GATA6: variants seen among roughly 807,000 people sequenced by gnomAD.
GATA6 encodes the protein transcription factor GATA-6.
GATA6 carries 11 observed loss-of-function variants against 48.1 expected under a neutral mutation model. The observed-to-expected ratio is 0.23, with a 90% CI of 0.14 to 0.38. The LOEUF (loss-of-function observed/expected upper bound fraction) is 0.38. Ranked by LOEUF, GATA6 falls within the 10% of genes least tolerant of loss-of-function variation. The pLI is 1.00. For synonymous variants in GATA6, 419 were observed against 396.1 expected (o/e 1.06, Z -0.69); for missense variants, 795 against 850.3 (o/e 0.93, Z 0.81).
intron 6 of GATA6, among the ~76,000 whole-genome samples, chr18:22,191,723 A>G (rs1327316187): frequency 6.6e-6 from 1 of 152,190 alleles, no homozygotes; most frequent in Non-Finnish European, 1.5e-5. Context: ...CCACTCAGCT[A>G]CCCATCACAT....
rs1212811516 is a variant in GATA6, at chr18:22,189,990, GTGT to G, written c.1620+6953_1620+6955del. 3.3e-5 allele frequency among the ~76,000 whole-genome samples: 5 copies of G among 152,354 alleles called. 1 individual carries two copies. Among genetic ancestry groups the G allele is most frequent in the South Asian group, 4.1e-4 (2 of 4,828 alleles). ...GCCGCAGGTCTGGCTGATGCGGTCA[GTGT>G]TGTTGCCACTACAGCGTGTTAGATT... is the stretch of plus-strand genomic sequence containing the variant. On this transcript the variant is annotated intron_variant, in intron 6 of 6. Coordinates refer to ENST00000269216, the MANE Select transcript of GATA6 (RefSeq NM_005257.6).
intron 6 of GATA6, among the ~76,000 whole-genome samples, chr18:22,187,151 TA>T (rs1338171974): frequency 1.3e-5 from 2 of 152,242 alleles, no homozygotes; most frequent in African/African-American, 4.8e-5. Context: ...GCAGATTTAC[TA>T]AAAAATGTAT....
chr18:22,185,292 C>T lies in GATA6; in HGVS notation c.1620+2249C>T, dbSNP rs1412027014. Among the ~76,000 whole-genome samples, 1 of 152,200 alleles carries T rather than the reference C, an allele frequency of 6.6e-6. No individual in the cohort carries two copies. The highest frequency in any genetic ancestry group is 2.4e-5 in the African/African-American group (1 of 41,462). On this transcript the variant is annotated intron_variant, in intron 6 of 6. Transcript: ENST00000269216. This position sits in a 1 kb window ranked among gnomAD's most constrained non-coding sequence, Gnocchi z 4.3. ...TTCAGAGGAAAGATCAGTTCCCCAC[C>T]AGAGGCCAGGAGGCAAAGCAACAAG...
chr18:22,196,734 C>T (rs2033393892), intron 6 of GATA6, among the ~76,000 whole-genome samples: 1 of 150,920 alleles, frequency 6.6e-6, no homozygotes. Flanking sequence ...AGAGCAAGAC[C>T]CTGTCTCAAA....
Position 22,201,192 on chromosome 18 carries a change from TC to T in GATA6, c.*371del. The T allele has an allele frequency of 3.9e-6, 1 of 258,284 alleles. No individual in the cohort carries two copies. The highest frequency in any genetic ancestry group is 7.6e-6 in the Non-Finnish European group (1 of 132,190). The allele number at this position is 258,284 out of a possible 1,614,324, so 16.0% of individuals were successfully genotyped here. On this transcript the variant is annotated 3_prime_UTR_variant, in exon 7 of 7. Coordinates refer to ENST00000269216, the MANE Select transcript of GATA6 (RefSeq NM_005257.6). Reference sequence around the variant, plus strand: ...GCTTCTTCTGATCAATTTTGGTTGTTCCAGAATTTCTTCATACCTTTTCCAC... The same window carrying T: ...GCTTCTTCTGATCAATTTTGGTTGTTCAGAATTTCTTCATACCTTTTCCAC...
chr18:22,201,019 T>C lies in GATA6; in HGVS notation c.*196T>C. On this transcript the variant is annotated 3_prime_UTR_variant, in exon 7 of 7. Coordinates refer to ENST00000269216, the MANE Select transcript of GATA6 (RefSeq NM_005257.6). ...GATGGAAGGGAAGGGCCAGTGCAAC[T>C]GGGCGCTTGGGCCACTCCAGCCAGC... is the stretch of plus-strand genomic sequence containing the variant. 1.4e-6 allele frequency: 1 copy of C among 712,238 alleles called. No homozygotes were observed. The highest frequency in any genetic ancestry group is 2.3e-6 in the Non-Finnish European group (1 of 439,852). The allele number at this position is 712,238 out of a possible 1,614,324, so 44.1% of individuals were successfully genotyped here.
chr18:22,172,158 G>T lies in GATA6; in HGVS notation c.1014G>T (p.Ser338=). The change falls in exon 2 of 7, where the codon TCG becomes TCT. Residue 338 remains serine, a synonymous_variant. Coordinates refer to ENST00000269216, the MANE Select transcript of GATA6 (RefSeq NM_005257.6). This position sits in a 1 kb window ranked among gnomAD's most constrained non-coding sequence, Gnocchi z 5.2. ...HHHHHHPSPY[S]PYVGAPLTPA... ...ACCACCACCATCCGAGCCCCTACTC[G>T]CCCTACGTGGGGGCGCCACTGACGC... The T allele has an allele frequency of 7.0e-7, 1 of 1,438,588 alleles. No individual in the cohort carries two copies. The highest frequency in any genetic ancestry group is 9.2e-7 in the Non-Finnish European group (1 of 1,087,094). The allele number at this position is 1,438,588 out of a possible 1,614,324, so 89.1% of individuals were successfully genotyped here.
At position 22,172,457 on chromosome 18, in the gene GATA6, A is replaced by G. The variant is rs558452538; in HGVS notation, c.1135+178A>G. 2.2e-4 allele frequency among the ~76,000 whole-genome samples: 33 copies of G among 152,342 alleles called. No individual in the cohort carries two copies. Among genetic ancestry groups the G allele is most frequent in the African/African-American group, 7.9e-4 (33 of 41,590 alleles). ...GTGGCTGGGTAACCCAGAGTCCGGT[A>G]GCGCTGAGGCGAGTTGTGCCAAGAC... On this transcript the variant is annotated intron_variant, in intron 2 of 6. Coordinates refer to ENST00000269216, the MANE Select transcript of GATA6 (RefSeq NM_005257.6). The surrounding 1 kb of genome is among the most constrained non-coding windows in gnomAD (Gnocchi z 5.2).
chr18:22,189,450 T>A (rs1437643448), intron 6 of GATA6, among the ~76,000 whole-genome samples: 4 of 152,214 alleles, frequency 2.6e-5, no homozygotes. Context: ...TTAGCAGATT[T>A]ACACTCCACT....
At chr18:22,198,917 C>A (rs1338782051) in intron 6 of GATA6, among the ~76,000 whole-genome samples, 2 of 152,172 alleles carry the variant, frequency 1.3e-5, no homozygotes, top group African/African-American at 4.8e-5. Flanking sequence ...TAAGTCTTTA[C>A]ATTTGTGTTA....
chr18:22,195,108 G>C (rs1324427379), intron 6 of GATA6, among the ~76,000 whole-genome samples: 1 of 152,224 alleles, frequency 6.6e-6, no homozygotes, highest in African/African-American at 2.4e-5. Context: ...GGAGGTTGTA[G>C]TGAGCCGAGA....
rs1252304663 is a variant in GATA6 at position 22,185,355 on chromosome 18, CCAGGTCTT to C, written c.1620+2316_1620+2323del. Among the ~76,000 whole-genome samples the C allele has an allele frequency of 6.6e-6, 1 of 152,234 alleles. No individual in the cohort carries two copies. The highest frequency in any genetic ancestry group is 2.4e-5 in the African/African-American group (1 of 41,462). On this transcript the variant is annotated intron_variant, in intron 6 of 6. Coordinates refer to ENST00000269216, the MANE Select transcript of GATA6 (RefSeq NM_005257.6). This position sits in a 1 kb window ranked among gnomAD's most constrained non-coding sequence, Gnocchi z 4.3. The stretch of plus-strand genomic sequence containing the variant: ...GGGGTTGGAGAGTACTAGTTTCACA[CCAGGTCTT>C]CAGCTGCAAGCTTCCATCCCTGCGG...
chr18:22,181,398 AAT>A (rs554763771), intron 3 of GATA6, 53 bp from the exon 4 acceptor site: 233 of 1,543,550 alleles, frequency 1.5e-4, no homozygotes, highest in Non-Finnish European at 1.9e-4. Context: ...GTATGTATGT[AAT>A]ATATATATAT....
At chr18:22,188,447 T>G (rs1456686935) in intron 6 of GATA6, among the ~76,000 whole-genome samples, 2 of 152,076 alleles carry the variant, frequency 1.3e-5, no homozygotes, top group Non-Finnish European at 2.9e-5. Flanking sequence ...GATAGAGGTA[T>G]CCAGGAAAGA....
Position 22,171,873 on chromosome 18 carries a change from C to T in GATA6, c.729C>T (p.Gly243=), listed in dbSNP as rs1323741166. Residue 243 remains glycine (G), a synonymous_variant, in exon 2 of 7, where the codon GGC becomes GGT. Transcript: ENST00000269216. This position sits in a 1 kb window ranked among gnomAD's most constrained non-coding sequence, Gnocchi z 7.1. ...ACGGCAGCGGAGGCGGCGCGGCTGG[C>T]GGCGGGGCCGCGGGGCCTGGCGGCG... is the stretch of plus-strand genomic sequence containing the variant. The part of the protein sequence containing the change: ...PPYGSGGGAA[G]GGAAGPGGAG... 3.5e-6 allele frequency: 4 copies of T among 1,157,684 alleles called. No homozygotes were observed. In the East Asian group the frequency reaches 1.7e-4, roughly 48 times the overall value. The allele number at this position is 1,157,684 out of a possible 1,614,324, so 71.7% of individuals were successfully genotyped here. A position where few individuals can be genotyped will look rare whatever the true frequency, so the allele number is the denominator to read the frequency against.
intron 6 of GATA6, among the ~76,000 whole-genome samples, chr18:22,188,828 T>C (rs998660024): frequency 6.6e-6 from 1 of 152,196 alleles, no homozygotes; most frequent in African/African-American, 2.4e-5. Flanking sequence ...AGGCCTGTAC[T>C]GTAATTTCTC....
At chr18:22,179,697 G>C (rs2033169307) in intron 3 of GATA6, among the ~76,000 whole-genome samples, 1 of 152,154 alleles carries the variant, frequency 6.6e-6, no homozygotes, top group Non-Finnish European at 1.5e-5. Flanking sequence ...AAAAAGAAAA[G>C]CCTGGATGTG....
intron 6 of GATA6, among the ~76,000 whole-genome samples, chr18:22,198,058 T>TTTC (rs2033412895): frequency 7.1e-6 from 1 of 141,328 alleles, no homozygotes; most frequent in Non-Finnish European, 1.5e-5. Context: ...TGTTTCTTTT[T>TTTC]TTCTTCTCTT....
chr18:22,201,074 C>T lies in GATA6; in HGVS notation c.*251C>T, dbSNP rs2033457415. On this transcript the variant is annotated 3_prime_UTR_variant, in exon 7 of 7. Coordinates refer to ENST00000269216, the MANE Select transcript of GATA6 (RefSeq NM_005257.6). ...CTCCGGGGCGGACCCTGCTCCACTT[C>T]CAGAAGCCAGGACTAGGACCTGGGC... The T allele has an allele frequency of 1.6e-5, 9 of 569,382 alleles. No individual in the cohort carries two copies. Among genetic ancestry groups the T allele is most frequent in the Non-Finnish European group, 2.8e-5 (9 of 318,692 alleles). The allele number at this position is 569,382 out of a possible 1,614,324, so 35.3% of individuals were successfully genotyped here.
Sources: gnomAD v4.1 joint callset for allele counts (sites outside exome capture counted in the v4.1 genomes callset) on GRCh38, gnomAD v4.1.1 for gene constraint, Gnocchi (gnomAD v3.1) non-coding constraint, MANE v1.5 for transcripts, NCBI Gene and HGNC (gene_info 2026-07-23, HGNC 2026-07-21) for gene names.